RBM19: variants seen among roughly 807,000 people sequenced by gnomAD.
The protein encoded by RBM19 is probable RNA-binding protein 19.
In RBM19, 94 loss-of-function variants were observed where a neutral mutation model predicts 116.8. That is an observed-to-expected ratio of 0.80 (90% CI 0.68 to 0.95). The LOEUF is 0.95. RBM19 is among the 40% of genes least tolerant of loss of function. RBM19 has a pLI of 0.00. For synonymous variants in RBM19, 475 were observed against 494.1 expected (o/e 0.96, Z 0.51); for missense variants, 1,161 against 1,220.7 (o/e 0.95, Z 0.73).
chr12:113,895,378 T>C (rs1881249353), intron 21 of RBM19, among the ~76,000 whole-genome samples: 1 of 152,122 alleles, frequency 6.6e-6, no homozygotes, highest in Non-Finnish European at 1.5e-5. Flanking sequence ...CCATACAACA[T>C]GCCCGGCTCC....
intron 18 of RBM19, 130 bp downstream of exon 18, chr12:113,924,567 C>A: frequency 1.2e-6 from 1 of 829,990 alleles, no homozygotes; most frequent in Non-Finnish European, 2.1e-6. Flanking sequence ...GACCATGCTT[C>A]AGAAAAAAGA....
At chr12:113,905,262 T>C (rs1203060536) in intron 21 of RBM19, among the ~76,000 whole-genome samples, 1 of 152,122 alleles carries the variant, frequency 6.6e-6, no homozygotes, top group Non-Finnish European at 1.5e-5. Context: ...GGCAGACAAA[T>C]AGACCCGGGG....
intron 21 of RBM19, among the ~76,000 whole-genome samples, chr12:113,863,625 C>G (rs955734136): frequency 1.3e-5 from 2 of 152,164 alleles, no homozygotes; most frequent in Non-Finnish European, 2.9e-5. Flanking sequence ...AGAATCCCAG[C>G]AGAAGTGCTG....
intron 21 of RBM19, among the ~76,000 whole-genome samples, chr12:113,910,118 A>G (rs1882335193): frequency 6.6e-6 from 1 of 152,156 alleles, no homozygotes; most frequent in African/African-American, 2.4e-5. Flanking sequence ...GCAGGTCTGA[A>G]ACGCGCTCCT....
chr12:113,945,450 T>C lies in RBM19; in HGVS notation c.1626+378A>G, dbSNP rs1870931460. Among the ~76,000 whole-genome samples, 5 of 152,206 alleles carry C rather than the reference T, an allele frequency of 3.3e-5. No homozygotes were observed. The South Asian group carries it at 1.0e-3, about 31-fold the overall frequency. ...CCACCTCTTTGCAAGTCTGTGACCT[T>C]GGACAAGTTATTGTGTCCCTGGATC... On this transcript the variant is annotated intron_variant, in intron 13 of 23. Transcript: ENST00000261741.
At chr12:113,952,172 C>T (rs1209533424) in intron 8 of RBM19, among the ~76,000 whole-genome samples, 1 of 152,224 alleles carries the variant, frequency 6.6e-6, no homozygotes, top group African/African-American at 2.4e-5. Context: ...GAGCCCTGCC[C>T]ACCAGCAGAG....
downstream of RBM19, among the ~76,000 whole-genome samples, chr12:113,818,513 A>T (rs1565953405): frequency 6.6e-6 from 1 of 152,246 alleles, no homozygotes; most frequent in Non-Finnish European, 1.5e-5. Flanking sequence ...AGCTGGCCTG[A>T]CATCTGCTGG....
chr12:113,943,224 A>T (rs1284602781), intron 13 of RBM19, among the ~76,000 whole-genome samples: 2 of 152,140 alleles, frequency 1.3e-5, no homozygotes, highest in Non-Finnish European at 2.9e-5. Flanking sequence ...CTAATGTGTC[A>T]GTGTCTTTTC....
At chr12:113,867,934 T>C (rs749610990) in intron 21 of RBM19, among the ~76,000 whole-genome samples, 20 of 152,064 alleles carry the variant, frequency 1.3e-4, no homozygotes, top group Non-Finnish European at 2.6e-4. Flanking sequence ...TCTGAATAAA[T>C]AAATAAATAA....
chr12:113,830,034 G>A (rs1002205459), intron 23 of RBM19, among the ~76,000 whole-genome samples: 19 of 152,290 alleles, frequency 1.2e-4, no homozygotes, highest in Admixed American at 3.9e-4. Flanking sequence ...GGAAGCAGCC[G>A]CACTAGGACT....
At chr12:113,935,201 T>A (rs1366706021) in intron 16 of RBM19, among the ~76,000 whole-genome samples, 1 of 152,122 alleles carries the variant, frequency 6.6e-6, no homozygotes, top group African/African-American at 2.4e-5. Context: ...CCAGCCTGCC[T>A]CCTGTTGCCA....
At chr12:113,952,482 C>T (rs1290362734) in intron 8 of RBM19, 30 bp downstream of exon 8, 1 of 1,588,596 alleles carries the variant, frequency 6.3e-7, no homozygotes, top group South Asian at 1.1e-5. Context: ...GTCTACCCGC[C>T]TTCCCACCTG....
At chr12:113,906,732 G>C (rs1348960197) in intron 21 of RBM19, among the ~76,000 whole-genome samples, 1 of 151,928 alleles carries the variant, frequency 6.6e-6, no homozygotes, top group Non-Finnish European at 1.5e-5. Context: ...CCCCTGCTTG[G>C]AGGAGCCTTA....
At chr12:113,870,466 C>T (rs1325070698) in intron 21 of RBM19, among the ~76,000 whole-genome samples, 1 of 152,324 alleles carries the variant, frequency 6.6e-6, no homozygotes, top group Non-Finnish European at 1.5e-5. Context: ...TGCACCAGTC[C>T]TGTACTGTGC....
chr12:113,963,730 C>T (rs572475685), intron 1 of RBM19, among the ~76,000 whole-genome samples: 3 of 152,192 alleles, frequency 2.0e-5, no homozygotes, highest in Admixed American at 6.5e-5. Flanking sequence ...AAAAACCTTT[C>T]GGTGACTTTC....
Position 113,913,962 on chromosome 12 carries a change from G to T in RBM19, c.2558+1007C>A, listed in dbSNP as rs183139257. Among the ~76,000 whole-genome samples, 68 of 152,130 alleles carry T rather than the reference G, an allele frequency of 4.5e-4. 1 individual carries two copies. The highest frequency in any genetic ancestry group is 2.1e-3 in the Admixed American group (32 of 15,292). On this transcript the variant is annotated intron_variant, in intron 21 of 23. Transcript: ENST00000261741. The stretch of plus-strand genomic sequence containing the variant: ...CTATTACCCTGCCCATGCCTTGGGT[G>T]GGGGGGCCTTGGCTTCAAGCATTCC...
Position 113,927,190 on chromosome 12 carries a change from T to C in RBM19, c.2108A>G (p.Glu703Gly), listed in dbSNP as rs1253621980. ...GETPEDENPT[E>G]EGADNSSAKM... Reference sequence around the variant, plus strand: ...TGCTGAAGAGTTGTCTGCTCCTTCCTCTGTTGGATTTTCATCTTCTGGGGT... The same window carrying C: ...TGCTGAAGAGTTGTCTGCTCCTTCCCCTGTTGGATTTTCATCTTCTGGGGT... Residue 703 changes from glutamate to glycine, a missense_variant, in exon 17 of 24, where the codon GAG (glutamate) becomes GGG (glycine). Physicochemically the swap from Glu to Gly is moderately conservative, Grantham distance 98 (BLOSUM62 -2). Coordinates refer to ENST00000261741, the MANE Select transcript of RBM19 (RefSeq NM_016196.4). 6.3e-7 allele frequency: 1 copy of C among 1,579,644 alleles called. No individual in the cohort carries two copies. Among genetic ancestry groups the C allele is most frequent in the African/African-American group, 1.3e-5 (1 of 74,168 alleles).
chr12:113,915,248 A>C (rs1882704261), intron 20 of RBM19, among the ~76,000 whole-genome samples, 163 bp from the exon 21 acceptor site: 1 of 152,006 alleles, frequency 6.6e-6, no homozygotes, highest in African/African-American at 2.4e-5. Flanking sequence ...GTCTCCCACC[A>C]GGTGATAGGA....
At chr12:113,965,116 T>C (rs1013792131) in intron 1 of RBM19, among the ~76,000 whole-genome samples, 11 of 150,524 alleles carry the variant, frequency 7.3e-5, no homozygotes, top group African/African-American at 2.4e-4. Context: ...CTACTAAAAA[T>C]AAAAAAATTA....
Sources: allele counts gnomAD v4.1 joint callset (sites outside exome capture counted in the v4.1 genomes callset), GRCh38; gene constraint gnomAD v4.1.1; transcripts MANE v1.5; gene names NCBI Gene and HGNC (gene_info 2026-07-23, HGNC 2026-07-21).